Variants in ANO10 observed in about 807,000 individuals in gnomAD.
ANO10 encodes the protein anoctamin-10.
In ANO10, 77 loss-of-function variants were observed where a neutral mutation model predicts 74.7. The observed-to-expected ratio is 1.03, with a 90% CI of 0.86 to 1.25. The LOEUF (loss-of-function observed/expected upper bound fraction) is 1.25. ANO10 is among the 50% of genes most tolerant of loss of function. ANO10 has a pLI of 0.00. For synonymous variants in ANO10, 279 were observed against 284.9 expected (o/e 0.98, Z 0.21); for missense variants, 721 against 778.1 (o/e 0.93, Z 0.87).
intron 10 of ANO10, among the ~76,000 whole-genome samples, chr3:43,551,936 A>G (rs2079482666): frequency 6.6e-6 from 1 of 152,106 alleles, no homozygotes; most frequent in Non-Finnish European, 1.5e-5. Flanking sequence ...GTAGTTATTG[A>G]TATGTTAGGA....
chr3:43,489,921 A>G (rs1262705030), intron 11 of ANO10, among the ~76,000 whole-genome samples: 2 of 152,224 alleles, frequency 1.3e-5, no homozygotes, highest in Non-Finnish European at 2.9e-5. Flanking sequence ...ATTTACAAAT[A>G]AAAATCTCCT....
At chr3:43,558,432 G>T (rs3772160) in intron 9 of ANO10, among the ~76,000 whole-genome samples, 66,689 of 151,876 alleles carry the variant, frequency 0.44, 17,803 homozygotes, top group East Asian at 0.77. Context: ...AAGCAACACA[G>T]CTTAGTCCTG....
chr3:43,619,567 G>A (rs2083282327), intron 1 of ANO10, among the ~76,000 whole-genome samples: 1 of 151,856 alleles, frequency 6.6e-6, no homozygotes, highest in Admixed American at 6.6e-5. Flanking sequence ...CCTCTTCCAG[G>A]GGCTGGGCAC....
chr3:43,434,784 A>G (rs1403710112), intron 11 of ANO10, among the ~76,000 whole-genome samples: 2 of 152,208 alleles, frequency 1.3e-5, no homozygotes, highest in East Asian at 3.9e-4. Context: ...GGCTGCCCAG[A>G]TTTTGCTGCT....
At chr3:43,566,065 AG>A (rs2080315049) in intron 7 of ANO10, among the ~76,000 whole-genome samples, 1 of 152,198 alleles carries the variant, frequency 6.6e-6, no homozygotes, top group African/African-American at 2.4e-5. Flanking sequence ...AGTCAAAGAA[AG>A]GGGTGACGGA....
chr3:43,423,461 G>A (rs537192507), intron 12 of ANO10, among the ~76,000 whole-genome samples: 42 of 152,276 alleles, frequency 2.8e-4, no homozygotes, highest in Non-Finnish European at 6.0e-4. Flanking sequence ...CGGGGACCTC[G>A]CAGCTCACAA....
At chr3:43,584,432 G>C (rs2081387098) in intron 4 of ANO10, among the ~76,000 whole-genome samples, 1 of 152,204 alleles carries the variant, frequency 6.6e-6, no homozygotes, top group South Asian at 2.1e-4. Context: ...CCCAGAGAGA[G>C]AGTTAGGCTG....
chr3:43,658,827 G>A (rs1187520140), intron 1 of ANO10, among the ~76,000 whole-genome samples: 2 of 152,102 alleles, frequency 1.3e-5, no homozygotes, highest in African/African-American at 4.8e-5. Flanking sequence ...CTAAACTATG[G>A]TATTAGAAGT....
rs535654191 is a variant in ANO10, at chr3:43,551,489, C to A, written c.1669-1641G>T. 15 of 456,972 alleles carry A rather than the reference C, an allele frequency of 3.3e-5. No homozygotes were observed. In the East Asian group the frequency reaches 6.3e-4, roughly 19 times the overall value. 28.3% of individuals were successfully genotyped at this position (456,972 alleles called of 1,614,324 possible). On this transcript the variant is annotated intron_variant, in intron 10 of 12. Coordinates refer to ENST00000292246, the MANE Select transcript of ANO10 (RefSeq NM_018075.5). The stretch of plus-strand genomic sequence containing the variant: ...GTATTTACCTGTGAAACCACCACCA[C>A]CACAAACAAGACACAGGACATTTCC...
chr3:43,689,100 G>A (rs891660449), intron 1 of ANO10, among the ~76,000 whole-genome samples: 5 of 152,128 alleles, frequency 3.3e-5, no homozygotes, highest in Admixed American at 3.3e-4. Flanking sequence ...TGCAAGGACA[G>A]CATTAAGGGG....
chr3:43,577,503 G>GC (rs2081071176), intron 5 of ANO10, among the ~76,000 whole-genome samples: 2 of 152,152 alleles, frequency 1.3e-5, no homozygotes, highest in Non-Finnish European at 2.9e-5. Flanking sequence ...TCCGCCAGGT[G>GC]CCTGGACTCT....
intron 11 of ANO10, among the ~76,000 whole-genome samples, chr3:43,519,077 C>T (rs2077836325): frequency 6.6e-6 from 1 of 152,042 alleles, no homozygotes; most frequent in African/African-American, 2.4e-5. Context: ...CCCCGGACAC[C>T]CAGCTTTAAA....
intron 11 of ANO10, among the ~76,000 whole-genome samples, chr3:43,444,199 T>C (rs2093206338): frequency 6.6e-6 from 1 of 152,054 alleles, no homozygotes; most frequent in African/African-American, 2.4e-5. Context: ...CATTTGTCCC[T>C]AGGGTGAGAA....
intron 11 of ANO10, 104 bp downstream of exon 11, chr3:43,549,616 C>T: frequency 7.6e-7 from 1 of 1,308,138 alleles, no homozygotes; most frequent in Non-Finnish European, 1.1e-6. Context: ...CCAGTAAATC[C>T]ATATTGCTCA....
intron 11 of ANO10, among the ~76,000 whole-genome samples, chr3:43,483,052 T>A (rs190380377): frequency 6.6e-6 from 1 of 152,228 alleles, no homozygotes; most frequent in Non-Finnish European, 1.5e-5. Flanking sequence ...TTTGGTCATG[T>A]TTAAGAATTA....
At chr3:43,426,806 T>C (rs1319212611) in intron 12 of ANO10, among the ~76,000 whole-genome samples, 1 of 152,248 alleles carries the variant, frequency 6.6e-6, no homozygotes, top group Non-Finnish European at 1.5e-5. Context: ...AGCCTAATCA[T>C]TTGAAAATGC....
chr3:43,439,344 G>C (rs572874846), intron 11 of ANO10, among the ~76,000 whole-genome samples: 23 of 150,370 alleles, frequency 1.5e-4, no homozygotes, highest in Admixed American at 1.4e-3. Context: ...AAAACCTGAG[G>C]GATTTCATCA....
At chr3:43,671,250 AC>A (rs1224813485) in intron 1 of ANO10, among the ~76,000 whole-genome samples, 1 of 152,180 alleles carries the variant, frequency 6.6e-6, no homozygotes, top group Non-Finnish European at 1.5e-5. Context: ...AGTTCTGAGT[AC>A]TTTTAGGAAT....
intron 1 of ANO10, among the ~76,000 whole-genome samples, chr3:43,610,235 T>C (rs764597456): frequency 1.6e-4 from 24 of 152,208 alleles, no homozygotes; most frequent in Non-Finnish European, 3.1e-4. Context: ...CCTCCACGTC[T>C]TGTCTCACAG....
Sources: allele counts gnomAD v4.1 joint callset (sites outside exome capture counted in the v4.1 genomes callset), GRCh38; gene constraint gnomAD v4.1.1; transcripts MANE v1.5; gene names NCBI Gene and HGNC (gene_info 2026-07-23, HGNC 2026-07-21).